LDB2: variants seen among roughly 807,000 people sequenced by gnomAD.
LDB2 encodes the protein LIM domain binding 2, also known as LIM domain-binding protein 2.
A neutral mutation model predicts 44.3 loss-of-function variants in LDB2; 12 were observed. The ratio of observed to expected loss-of-function variants is 0.27; its 90% CI spans 0.17 to 0.44. The LOEUF is 0.44. Among genes scored for constraint, LDB2 ranks in the 20% least tolerant of loss-of-function variants. LDB2 has a pLI of 1.00. For synonymous variants in LDB2, 164 were observed against 174.8 expected (o/e 0.94, Z 0.49); for missense variants, 344 against 473.5 (o/e 0.73, Z 2.54).
At chr4:16,814,934 A>C (rs1780635607) in intron 1 of LDB2, among the ~76,000 whole-genome samples, 1 of 152,230 alleles carries the variant, frequency 6.6e-6, no homozygotes, top group African/African-American at 2.4e-5. Flanking sequence ...TTAGTGCTCC[A>C]TTCAAAAGCA....
chr4:16,546,877 C>A (rs968791813), intron 5 of LDB2, among the ~76,000 whole-genome samples: 4 of 152,132 alleles, frequency 2.6e-5, no homozygotes, highest in African/African-American at 9.7e-5. Context: ...AGCTGTCTCT[C>A]CCCCAGTGTT....
At chr4:16,858,822 T>C (rs1240905607) in intron 1 of LDB2, among the ~76,000 whole-genome samples, 2 of 152,228 alleles carry the variant, frequency 1.3e-5, no homozygotes, top group East Asian at 3.8e-4. Context: ...ACAAACTGCG[T>C]CAATACACAA....
chr4:16,828,883 C>T (rs1039412239), intron 1 of LDB2, among the ~76,000 whole-genome samples: 5 of 152,154 alleles, frequency 3.3e-5, no homozygotes, highest in African/African-American at 9.7e-5. Flanking sequence ...ACCTGCAACA[C>T]GGCACCCTGC....
intron 1 of LDB2, among the ~76,000 whole-genome samples, chr4:16,851,032 T>C (rs2110184054): frequency 6.7e-6 from 1 of 150,102 alleles, no homozygotes; most frequent in East Asian, 2.0e-4. Flanking sequence ...GGGGAAAACT[T>C]GTTCAGAAGG....
At chr4:16,836,457 C>G (rs1339551444) in intron 1 of LDB2, among the ~76,000 whole-genome samples, 2 of 152,140 alleles carry the variant, frequency 1.3e-5, no homozygotes, top group Non-Finnish European at 2.9e-5. Flanking sequence ...GCAAATTTAC[C>G]TCCTCTACCT....
chr4:16,868,994 T>C (rs1715625872), intron 1 of LDB2, among the ~76,000 whole-genome samples: 2 of 152,010 alleles, frequency 1.3e-5, no homozygotes, highest in Admixed American at 6.6e-5. Context: ...GATGACATTA[T>C]TGGTGATGAT....
At chr4:16,717,178 A>G (rs1579028629) in intron 2 of LDB2, among the ~76,000 whole-genome samples, 1 of 127,556 alleles carries the variant, frequency 7.8e-6, no homozygotes, top group Non-Finnish European at 1.7e-5. Context: ...TAATAATAAT[A>G]ATAATAATAA....
At position 16,502,397 on chromosome 4, in the gene LDB2, A is replaced by ACAAT. The variant is rs796985305; in HGVS notation, c.*242_*245dup. 36 of 495,614 alleles carry ACAAT rather than the reference A, an allele frequency of 7.3e-5. No individual in the cohort carries two copies. The highest frequency in any genetic ancestry group is 1.9e-4 in the African/African-American group (10 of 52,496). 30.7% of individuals were successfully genotyped at this position (495,614 alleles called of 1,614,324 possible). A position where few individuals can be genotyped will look rare whatever the true frequency, so the allele number is the denominator to read the frequency against. On this transcript the variant is annotated 3_prime_UTR_variant, in exon 8 of 8. Coordinates refer to ENST00000304523, the MANE Select transcript of LDB2 (RefSeq NM_001290.5). ...GCTAGAGTTTTCTCTCATTTTAATT[A>ACAAT]CAATCAGTGCCAGTATCTGTATTAC...
intron 1 of LDB2, among the ~76,000 whole-genome samples, chr4:16,897,502 G>C (rs373020565): frequency 6.6e-6 from 1 of 152,138 alleles, no homozygotes; most frequent in Admixed American, 6.5e-5. Context: ...TGCAGGAGGC[G>C]AGTCTGGAGT....
At chr4:16,626,237 C>T (rs1389194412) in intron 2 of LDB2, among the ~76,000 whole-genome samples, 1 of 152,188 alleles carries the variant, frequency 6.6e-6, no homozygotes, top group East Asian at 1.9e-4. Context: ...TTTAATTAGA[C>T]ATCCAAACCA....
intron 5 of LDB2, among the ~76,000 whole-genome samples, chr4:16,542,720 CA>C (rs1734260606): frequency 7.4e-6 from 1 of 134,376 alleles, no homozygotes; most frequent in African/African-American, 3.2e-5. Context: ...AAATAATGCT[CA>C]ATAATTTTTT....
At chr4:16,841,139 T>A (rs1785818317) in intron 1 of LDB2, among the ~76,000 whole-genome samples, 1 of 152,218 alleles carries the variant, frequency 6.6e-6, no homozygotes, top group African/African-American at 2.4e-5. Context: ...AATACCATTT[T>A]TTTTTCTTAC....
chr4:16,639,129 A>G (rs1436828604), intron 2 of LDB2, among the ~76,000 whole-genome samples: 1 of 152,236 alleles, frequency 6.6e-6, no homozygotes, highest in East Asian at 1.9e-4. Flanking sequence ...ACTAAGTATT[A>G]TAATCCTTAC....
intron 5 of LDB2, among the ~76,000 whole-genome samples, chr4:16,554,310 A>G (rs370138818): frequency 6.6e-6 from 1 of 152,170 alleles, no homozygotes; most frequent in East Asian, 1.9e-4. Flanking sequence ...TCGGCCCCCC[A>G]AAGTGCTGGG....
intron 2 of LDB2, among the ~76,000 whole-genome samples, chr4:16,649,847 T>C (rs1037492401): frequency 6.6e-6 from 1 of 152,150 alleles, no homozygotes. Flanking sequence ...TCCTCTGAAG[T>C]CAGAGCTACT....
intron 1 of LDB2, among the ~76,000 whole-genome samples, chr4:16,882,007 C>T (rs1720268478): frequency 6.6e-6 from 1 of 152,196 alleles, no homozygotes; most frequent in East Asian, 1.9e-4. Flanking sequence ...TCCCACATAG[C>T]ACAAGCAATT....
chr4:16,625,510 G>A (rs1280383094), intron 2 of LDB2, among the ~76,000 whole-genome samples: 2 of 152,066 alleles, frequency 1.3e-5, no homozygotes, highest in Admixed American at 6.6e-5. Flanking sequence ...CACAATACCA[G>A]GGATGGAGTA....
intron 2 of LDB2, among the ~76,000 whole-genome samples, chr4:16,607,007 T>C (rs777923568): frequency 6.6e-5 from 10 of 152,210 alleles, no homozygotes; most frequent in Admixed American, 5.9e-4. Context: ...GGTGATTTCC[T>C]TTCTGTAGAG....
At chr4:16,783,947 C>T (rs1345646796) in intron 1 of LDB2, among the ~76,000 whole-genome samples, 1 of 152,066 alleles carries the variant, frequency 6.6e-6, no homozygotes, top group East Asian at 1.9e-4. Context: ...AATTGTAATT[C>T]CCTTTATTAC....
Sources: gnomAD v4.1 joint callset for allele counts (sites outside exome capture counted in the v4.1 genomes callset) on GRCh38, gnomAD v4.1.1 for gene constraint, MANE v1.5 for transcripts, NCBI Gene and HGNC (gene_info 2026-07-23, HGNC 2026-07-21) for gene names.